Variants in KLRG1 observed in about 807,000 individuals in gnomAD.
KLRG1 encodes killer cell lectin-like receptor subfamily G member 1.
In KLRG1, 16 loss-of-function variants were observed where a neutral mutation model predicts 21.8. That is an observed-to-expected ratio of 0.73 (90% CI 0.50 to 1.11). The LOEUF is 1.11. Ranked by LOEUF, KLRG1 falls within the 50% of genes most tolerant of loss-of-function variation. The pLI is 0.00. For missense variants in KLRG1, 173 were observed against 218.3 expected (o/e 0.79, Z 1.31); for synonymous variants, 69 against 75.9 (o/e 0.91, Z 0.47).
chr12:9,020,350 A>G, the KLRG1 span, among the ~76,000 whole-genome samples: 3 of 152,226 alleles, frequency 2.0e-5, no homozygotes, highest in Non-Finnish European at 4.4e-5. Context: ...GAGTGAATAT[A>G]TCAATTTCTC....
chr12:9,168,800 A>G, the KLRG1 span: 1 of 1,202,624 alleles, frequency 8.3e-7, no homozygotes, highest in Non-Finnish European at 1.2e-6. Flanking sequence ...ACATTACCTC[A>G]TTTTAGCATT....
At chr12:9,074,830 T>C in the KLRG1 span, 3 of 1,538,900 alleles carry the variant, frequency 1.9e-6, no homozygotes, top group Non-Finnish European at 2.6e-6. Context: ...ATATTTATAT[T>C]TAATTCAAGG....
the KLRG1 span, among the ~76,000 whole-genome samples, chr12:9,106,060 C>A: frequency 6.6e-6 from 1 of 152,158 alleles, no homozygotes; most frequent in Non-Finnish European, 1.5e-5. Context: ...AAGAATAAAT[C>A]TATTTTTATG....
At chr12:9,079,792 G>T in the KLRG1 span, 1 of 1,610,586 alleles carries the variant, frequency 6.2e-7, no homozygotes, top group South Asian at 1.1e-5. Flanking sequence ...TGTGTGTTTT[G>T]CATGGCAGAG....
chr12:9,073,736 G>C, the KLRG1 span, among the ~76,000 whole-genome samples: 9 of 152,152 alleles, frequency 5.9e-5, no homozygotes, highest in African/African-American at 2.2e-4. Context: ...GATTTAGGAG[G>C]TTGGATGAAT....
the KLRG1 span, chr12:9,160,441 C>A: frequency 6.2e-7 from 1 of 1,613,918 alleles, no homozygotes; most frequent in Non-Finnish European, 8.5e-7. Flanking sequence ...AGCCATATGG[C>A]ATCTGGAGGA....
At chr12:9,077,799 C>A in the KLRG1 span, 27 of 1,614,068 alleles carry the variant, frequency 1.7e-5, no homozygotes, top group Non-Finnish European at 1.9e-5. Flanking sequence ...ATGTGTGCTT[C>A]ATCGATGAAG....
At chr12:9,052,825 A>C in the KLRG1 span, 1 of 455,628 alleles carries the variant, frequency 2.2e-6, no homozygotes, top group Non-Finnish European at 4.4e-6. Flanking sequence ...TGTGATTGTG[A>C]GGATAAAATT....
chr12:9,048,694 A>G, the KLRG1 span, among the ~76,000 whole-genome samples: 2 of 152,222 alleles, frequency 1.3e-5, no homozygotes, highest in Non-Finnish European at 2.9e-5. Context: ...ACTCAACTGT[A>G]TATAGAACAT....
At chr12:9,016,829 G>C in the KLRG1 span, among the ~76,000 whole-genome samples, 1 of 151,806 alleles carries the variant, frequency 6.6e-6, no homozygotes, top group African/African-American at 2.4e-5. Flanking sequence ...GGCCAGACTG[G>C]TCTTGAACTC....
At chr12:9,147,663 C>T in the KLRG1 span, among the ~76,000 whole-genome samples, 1 of 152,138 alleles carries the variant, frequency 6.6e-6, no homozygotes, top group Admixed American at 6.5e-5. Flanking sequence ...ACTCTGTCAT[C>T]TTGCTGACTT....
chr12:9,133,424 T>G, the KLRG1 span, among the ~76,000 whole-genome samples: 3 of 152,230 alleles, frequency 2.0e-5, no homozygotes, highest in Admixed American at 2.0e-4. Context: ...AACCACATGT[T>G]CCTGCCATTG....
chr12:9,155,242 A>ATTGTC, the KLRG1 span, among the ~76,000 whole-genome samples: 1 of 152,238 alleles, frequency 6.6e-6, no homozygotes, highest in Non-Finnish European at 1.5e-5. Flanking sequence ...AAATAGAGAT[A>ATTGTC]AAAATAGTTT....
the KLRG1 span, among the ~76,000 whole-genome samples, chr12:9,044,775 A>G: frequency 6.6e-6 from 1 of 152,224 alleles, no homozygotes; most frequent in Non-Finnish European, 1.5e-5. Flanking sequence ...GGGAGTATAG[A>G]TTTGTGTAGC....
chr12:9,027,871 C>T, the KLRG1 span: 10 of 892,738 alleles, frequency 1.1e-5, no homozygotes, highest in Admixed American at 1.7e-4. Context: ...AAACCACCTC[C>T]ATGACCACTA....
chr12:9,027,481 C>A, the KLRG1 span: 1 of 889,930 alleles, frequency 1.1e-6, no homozygotes. Flanking sequence ...TGTAGCTTCC[C>A]TGCCACTTCT....
chr12:9,177,679 T>C, the KLRG1 span, among the ~76,000 whole-genome samples: 1 of 152,254 alleles, frequency 6.6e-6, no homozygotes, highest in Non-Finnish European at 1.5e-5. Context: ...ATTTCTATTA[T>C]TATTCAAAGC....
chr12:8,962,621 TG>T (rs1946399347), intron 1 of KLRG1, among the ~76,000 whole-genome samples: 1 of 149,762 alleles, frequency 6.7e-6, no homozygotes, highest in Non-Finnish European at 1.5e-5. Flanking sequence ...GGTGCTGAGG[TG>T]GGAGGATAGC....
chr12:9,194,463 T>A, the KLRG1 span, among the ~76,000 whole-genome samples: 4 of 6,072 alleles, frequency 6.6e-4, no homozygotes, highest in South Asian at 0.013. Context: ...AGTCAGGGAG[T>A]TTTTTTTTTT....
Sources: gnomAD v4.1 joint callset for allele counts (sites outside exome capture counted in the v4.1 genomes callset) on GRCh38, gnomAD v4.1.1 for gene constraint, MANE v1.5 for transcripts, NCBI Gene and HGNC (gene_info 2026-07-23, HGNC 2026-07-21) for gene names.